The following ZZZ3 variants were observed in gnomAD, a reference collection of about 807,000 sequenced individuals.
ZZZ3 encodes the protein zinc finger ZZ-type containing 3, also known as ZZ-type zinc finger-containing protein 3.
Under a neutral mutation model 95.2 loss-of-function variants are expected in ZZZ3, and 22 were observed. The observed-to-expected ratio is 0.23, with a 90% confidence interval of 0.17 to 0.33. The LOEUF is 0.33. Ranked by LOEUF, ZZZ3 falls within the 10% of genes least tolerant of loss-of-function variation. The pLI is 1.00. For synonymous variants in ZZZ3, 335 were observed against 358.9 expected, an observed-to-expected ratio of 0.93 and a Z score of 0.75; for missense variants, 885 against 1,066.5, an observed-to-expected ratio of 0.83 and a Z score of 2.37.
intron 1 of ZZZ3, among the ~76,000 whole-genome samples, chr1:77,643,931 TCTTCA>T (rs1175507412): frequency 2.0e-5 from 3 of 152,224 alleles, no homozygotes; most frequent in Admixed American, 1.3e-4. Context: ...ATTACCTGAT[TCTTCA>T]CTTGTTGTAA....
At chr1:77,596,349 A>C (rs1456175863) in intron 5 of ZZZ3, among the ~76,000 whole-genome samples, 1 of 152,116 alleles carries the variant, frequency 6.6e-6, no homozygotes, top group Non-Finnish European at 1.5e-5. Flanking sequence ...TAGTTCCTAG[A>C]AGTTCAATGG....
chr1:77,565,425 G>C lies in ZZZ3; in HGVS notation c.*215C>G, dbSNP rs1660729372. On this transcript the variant is annotated 3_prime_UTR_variant, in exon 15 of 15. Coordinates refer to ENST00000370801, the MANE Select transcript of ZZZ3 (RefSeq NM_015534.6). The stretch of plus-strand genomic sequence containing the variant: ...AAACGCAGTGGTGAAAAATTCACCA[G>C]GGAAACCTTTGCTCACCAGGAATGT... 1 of 447,850 alleles carries C rather than the reference G, an allele frequency of 2.2e-6. No individual in the cohort carries two copies. The highest frequency in any genetic ancestry group is 5.1e-5 in the South Asian group (1 of 19,656). The allele number at this position is 447,850 out of a possible 1,614,324, so 27.7% of individuals were successfully genotyped here. A position where few individuals can be genotyped will look rare whatever the true frequency, so the allele number is the denominator to read the frequency against.
In ZZZ3 at chr1:77,571,613, A is replaced by G. The variant is rs531593479; in HGVS notation, c.2332-3147T>C. Among the ~76,000 whole-genome samples, 11 of 152,356 alleles carry G rather than the reference A, an allele frequency of 7.2e-5. No homozygotes were observed. The South Asian group carries it at 2.3e-3, about 32-fold the overall frequency. On this transcript the variant is annotated intron_variant, in intron 12 of 14. Transcript: ENST00000370801. ...TAATGCAGCCTTAAAAAGGAAAGAA[A>G]TTGTGATACATGCTACAAAATGGAT...
intron 4 of ZZZ3, among the ~76,000 whole-genome samples, chr1:77,634,277 T>C (rs2100859675): frequency 6.6e-6 from 1 of 152,326 alleles, no homozygotes; most frequent in Non-Finnish European, 1.5e-5. Context: ...TCTTTCAAAA[T>C]GTTCCCGGTA....
Position 77,576,112 on chromosome 1 carries a change from A to G in ZZZ3, c.2287T>C (p.Ser763Pro). The change falls in exon 12 of 15, where the codon TCT (serine) becomes CCT (proline). Residue 763 changes from serine (S) to proline (P), a missense_variant. Ser to Pro is a moderately conservative substitution (Grantham distance 74). Around this residue, in one of 5 missense-constraint regions of ZZZ3, gnomAD observed 221 missense variants for 247.8 expected, o/e 0.89. Coordinates refer to ENST00000370801, the MANE Select transcript of ZZZ3 (RefSeq NM_015534.6). ...PVYMDEDDDR[S>P]CFHSHMNTAV... ...GTGTTCATGTGGCTATGAAAACAAGATCGGTCATCATCTTCATCCATATAC... is the reference window on the plus strand; with the variant it reads ...GTGTTCATGTGGCTATGAAAACAAGGTCGGTCATCATCTTCATCCATATAC... The G allele has an allele frequency of 6.2e-7, 1 of 1,612,698 alleles. No individual in the cohort carries two copies. Among genetic ancestry groups the G allele is most frequent in the Non-Finnish European group, 8.5e-7 (1 of 1,179,648 alleles).
rs139005861 is a variant in ZZZ3 at position 77,575,354 on chromosome 1, G to T, written c.2331+714C>A. Among the ~76,000 whole-genome samples, 70 of 152,236 alleles carry T rather than the reference G, an allele frequency of 4.6e-4. 2 individuals are homozygous for T. In the East Asian group the frequency reaches 0.012, roughly 26 times the overall value. On this transcript the variant is annotated intron_variant, in intron 12 of 14. Coordinates refer to ENST00000370801, the MANE Select transcript of ZZZ3 (RefSeq NM_015534.6). ...TAATCACTATTCTGTAACATCTAAT[G>T]AATTAATCAATTTAGTCAATGATCA...
intron 5 of ZZZ3, among the ~76,000 whole-genome samples, chr1:77,615,770 T>C (rs1380552850): frequency 6.6e-6 from 1 of 152,188 alleles, no homozygotes; most frequent in African/African-American, 2.4e-5. Flanking sequence ...ACAACAAGGA[T>C]TGAGTCCAGT....
At chr1:77,634,283 C>T (rs541244519) in intron 4 of ZZZ3, among the ~76,000 whole-genome samples, 1 of 152,150 alleles carries the variant, frequency 6.6e-6, no homozygotes, top group African/African-American at 2.4e-5. Context: ...AAAATGTTCC[C>T]GGTATACAGA....
rs1660622631 is a variant in ZZZ3 at position 77,563,995 on chromosome 1, T to C, written c.*1645A>G. 1 of 152,112 alleles carries C rather than the reference T, an allele frequency of 6.6e-6. No individual in the cohort carries two copies. Among genetic ancestry groups the C allele is most frequent in the Non-Finnish European group, 1.5e-5 (1 of 67,986 alleles). 9.4% of individuals were successfully genotyped at this position (152,112 alleles called of 1,614,324 possible). A position where few individuals can be genotyped will look rare whatever the true frequency, so the allele number is the denominator to read the frequency against. On this transcript the variant is annotated 3_prime_UTR_variant, in exon 15 of 15. Transcript: ENST00000370801. Reference sequence around the variant, plus strand: ...CTATGTACTGAAGAGAACTAGTAAATAATGTTCCCTTGATTTAAAATAGGA... The same window carrying C: ...CTATGTACTGAAGAGAACTAGTAAACAATGTTCCCTTGATTTAAAATAGGA...
At chr1:77,673,625 AC>A (rs1158083408) in intron 1 of ZZZ3, among the ~76,000 whole-genome samples, 1 of 152,144 alleles carries the variant, frequency 6.6e-6, no homozygotes, top group African/African-American at 2.4e-5. Context: ...TGCACTTTAC[AC>A]TTGAAGCTAG....
At chr1:77,574,923 C>T (rs991116239) in intron 12 of ZZZ3, among the ~76,000 whole-genome samples, 4 of 152,286 alleles carry the variant, frequency 2.6e-5, no homozygotes, top group Non-Finnish European at 5.9e-5. Flanking sequence ...TGGTGGCTCA[C>T]GCCTATAATC....
intron 1 of ZZZ3, among the ~76,000 whole-genome samples, chr1:77,674,457 C>T (rs1672073784): frequency 6.6e-6 from 1 of 152,066 alleles, no homozygotes; most frequent in South Asian, 2.1e-4. Context: ...GGGGTGGCAC[C>T]TAGGGACCAT....
intron 5 of ZZZ3, among the ~76,000 whole-genome samples, chr1:77,607,861 A>G (rs1192205172): frequency 2.7e-5 from 4 of 148,940 alleles, no homozygotes; most frequent in Admixed American, 6.7e-5. Context: ...CAGAGGTTGC[A>G]GTGAGTTGAG....
rs576232781 is a variant in ZZZ3 at position 77,564,404 on chromosome 1, T to A, written c.*1236A>T. The A allele has an allele frequency of 6.6e-6, 1 of 152,342 alleles. No individual in the cohort carries two copies. Among genetic ancestry groups the A allele is most frequent in the South Asian group, 2.1e-4 (1 of 4,824 alleles). 9.4% of individuals were successfully genotyped at this position (152,342 alleles called of 1,614,324 possible). The stretch of plus-strand genomic sequence containing the variant: ...ATGACAGAAAGAAAACTCTTAAATA[T>A]GTGAAGCAAACCATTTTAAAAAATA... On this transcript the variant is annotated 3_prime_UTR_variant, in exon 15 of 15. Transcript: ENST00000370801.
At chr1:77,660,129 G>A (rs1479216764) in intron 1 of ZZZ3, among the ~76,000 whole-genome samples, 1 of 152,158 alleles carries the variant, frequency 6.6e-6, no homozygotes, top group Non-Finnish European at 1.5e-5. Flanking sequence ...ACTGTGCCTG[G>A]CTGACATTTC....
chr1:77,650,495 A>T (rs1326895008), intron 1 of ZZZ3, among the ~76,000 whole-genome samples: 1 of 152,174 alleles, frequency 6.6e-6, no homozygotes, highest in South Asian at 2.1e-4. Context: ...AATAAATAAC[A>T]TGCTTCTAAA....
chr1:77,656,321 A>C (rs1398442822), intron 1 of ZZZ3, among the ~76,000 whole-genome samples: 1 of 152,208 alleles, frequency 6.6e-6, no homozygotes, highest in Non-Finnish European at 1.5e-5. Flanking sequence ...TAAGGATGTT[A>C]TTTAATGTCA....
chr1:77,570,793 C>T (rs1661306748), intron 12 of ZZZ3, among the ~76,000 whole-genome samples: 1 of 150,248 alleles, frequency 6.7e-6, no homozygotes, highest in African/African-American at 2.5e-5. Context: ...TCCTCAGTAG[C>T]TGAGATGACA....
intron 5 of ZZZ3, among the ~76,000 whole-genome samples, chr1:77,608,220 T>A (rs1489459645): frequency 6.6e-6 from 1 of 151,768 alleles, no homozygotes; most frequent in Non-Finnish European, 1.5e-5. Context: ...ATAATCAAAC[T>A]CCCAAAGGTC....
Sources: allele counts gnomAD v4.1 joint callset (sites outside exome capture counted in the v4.1 genomes callset), GRCh38; gene constraint gnomAD v4.1.1; regional missense constraint gnomAD v4.1.1; transcripts MANE v1.5; gene names NCBI Gene and HGNC (gene_info 2026-07-23, HGNC 2026-07-21).